Variants in LAIR1 observed in about 807,000 individuals in gnomAD.
The protein encoded by LAIR1 is leukocyte associated immunoglobulin like receptor 1, also known as leukocyte-associated immunoglobulin-like receptor 1.
LAIR1 carries 24 observed loss-of-function variants against 32.8 expected under a neutral mutation model. That is an observed-to-expected ratio of 0.73 (90% CI 0.53 to 1.03). The LOEUF (loss-of-function observed/expected upper bound fraction) is 1.03. Ranked by LOEUF, LAIR1 falls within the 50% of genes least tolerant of loss-of-function variation. LAIR1 has a pLI of 0.00. For missense variants in LAIR1, 355 were observed against 347.5 expected (o/e 1.02, Z -0.17); for synonymous variants, 150 against 140.5 (o/e 1.07, Z -0.48).
intron 3 of LAIR1, 119 bp downstream of exon 3, chr19:54,360,797 G>GC (rs1216130971): frequency 0.98 from 786,919 of 801,378 alleles, 387,317 homozygotes; most frequent in Non-Finnish European, 1. Flanking sequence ...GGAGGGCTTG[G>GC]GGTCAGGAGG....
At chr19:54,369,705 A>G (rs2082356778), upstream of LAIR1, among the ~76,000 whole-genome samples, 1 of 151,630 alleles carries the variant, frequency 6.6e-6, no homozygotes, top group South Asian at 2.1e-4. Flanking sequence ...ACTCAGATAC[A>G]TACACAATAT....
chr19:54,371,623 A>C (rs1044365342), upstream of LAIR1, among the ~76,000 whole-genome samples: 1 of 151,606 alleles, frequency 6.6e-6, no homozygotes, highest in Non-Finnish European at 1.5e-5. Flanking sequence ...AGTGCAAAGT[A>C]TAGTTTTCAA....
At position 54,355,148 on chromosome 19, in the gene LAIR1, G is replaced by T; in HGVS notation, c.*120C>A. The T allele has an allele frequency of 1.0e-6, 1 of 998,106 alleles. No individual in the cohort carries two copies. Among genetic ancestry groups the T allele is most frequent in the Non-Finnish European group, 1.5e-6 (1 of 673,560 alleles). The allele number at this position is 998,106 out of a possible 1,614,324, so 61.8% of individuals were successfully genotyped here. ...GTCTCCAGCTCTTGTCTCCAGGACA[G>T]CTGCCTGGCTGGCTTTCTAGATGAA... On this transcript the variant is annotated 3_prime_UTR_variant, in exon 10 of 10. Coordinates refer to ENST00000391742, the MANE Select transcript of LAIR1 (RefSeq NM_002287.6). This position sits in a 1 kb window ranked among gnomAD's most constrained non-coding sequence, Gnocchi z 4.7.
At chr19:54,359,638 G>A (rs1169181928) in intron 4 of LAIR1, among the ~76,000 whole-genome samples, 156 of 152,268 alleles carry the variant, frequency 1.0e-3, no homozygotes, top group Middle Eastern at 6.9e-3. Context: ...GGGCGAGCCC[G>A]GAAGTCTGGG....
Position 54,354,557 on chromosome 19 carries a change from GA to G in LAIR1, c.*710del, listed in dbSNP as rs1368378334. ...ATCCTGATCAATTAAATTTTAAAAA[GA>G]AAACGCTGACACGTTTTCGTAAGTC... On this transcript the variant is annotated 3_prime_UTR_variant, in exon 10 of 10. Coordinates refer to ENST00000391742, the MANE Select transcript of LAIR1 (RefSeq NM_002287.6). 5 of 152,198 alleles carry G rather than the reference GA, an allele frequency of 3.3e-5. No individual in the cohort carries two copies. Among genetic ancestry groups the G allele is most frequent in the African/African-American group, 1.2e-4 (5 of 41,432 alleles). 9.4% of individuals were successfully genotyped at this position (152,198 alleles called of 1,614,324 possible).
chr19:54,356,152 A>G, intron 8 of LAIR1, 78 bp downstream of exon 8: 2 of 697,420 alleles, frequency 2.9e-6, no homozygotes, highest in Non-Finnish European at 4.5e-6. Flanking sequence ...TCTTCCCCCC[A>G]CCCCCCACAT....
At chr19:54,358,506 T>C in intron 4 of LAIR1, 1 of 1,589,284 alleles carries the variant, frequency 6.3e-7, no homozygotes, top group South Asian at 1.1e-5. Context: ...TGTATGGGAA[T>C]CAGTGCATTT....
At chr19:54,359,529 C>T (rs1488970963) in intron 4 of LAIR1, among the ~76,000 whole-genome samples, 55 of 151,896 alleles carry the variant, frequency 3.6e-4, no homozygotes, top group Admixed American at 8.5e-4. Context: ...CGTCCCTCTC[C>T]GGGTGTCCCA....
chr19:54,357,427 G>A (rs1307467495), intron 4 of LAIR1: 1 of 155,916 alleles, frequency 6.4e-6, no homozygotes, highest in Non-Finnish European at 1.4e-5. Context: ...TCCCACCAGA[G>A]GGCAAGAATC....
chr19:54,355,292 C>T lies in LAIR1; in HGVS notation c.840G>A (p.Thr280=), dbSNP rs746249343. 10 of 1,610,406 alleles carry T rather than the reference C, an allele frequency of 6.2e-6. No homozygotes were observed. Among genetic ancestry groups the T allele is most frequent in the East Asian group, 4.5e-5 (2 of 44,554 alleles). Residue 280 remains threonine, a synonymous_variant, in exon 10 of 10, where the codon ACG becomes ACA. Transcript: ENST00000391742. The surrounding 1 kb of genome is among the most constrained non-coding windows in gnomAD (Gnocchi z 4.7). ...GTCAGTGTCTGGCAACGGCTGCATA[C>T]GTGATGGACTCGGCCATGGGCTTTG... The part of the protein sequence containing the change: ...QSTKPMAESI[T]YAAVARH
Position 54,361,052 on chromosome 19 carries a change from T to C in LAIR1, c.228A>G (p.Gln76=). 1 of 1,614,230 alleles carries C rather than the reference T, an allele frequency of 6.2e-7. No homozygotes were observed. The highest frequency in any genetic ancestry group is 1.1e-5 in the South Asian group (1 of 91,086). ...TGGCCTCTGACTCAGATGGACTAGC[T>C]TGAGACACATCTTCAGTATCATTGT... ...STYNDTEDVS[Q]ASPSESEARF... is the part of the protein sequence containing the mutation. The change falls in exon 3 of 10, where the codon CAA becomes CAG. Residue 76 remains glutamine (Q), a synonymous_variant. Coordinates refer to ENST00000391742, the MANE Select transcript of LAIR1 (RefSeq NM_002287.6).
At chr19:54,373,272 C>G (rs538530871), upstream of LAIR1, among the ~76,000 whole-genome samples, 14 of 151,252 alleles carry the variant, frequency 9.3e-5, no homozygotes, top group South Asian at 8.4e-4. Context: ...GAAACCCCAT[C>G]TCTACTAAAA....
chr19:54,360,598 TGTAGGGGGGTTGCCCC>T (rs2081964242), intron 3 of LAIR1: 3 of 480,604 alleles, frequency 6.2e-6, no homozygotes, highest in Non-Finnish European at 1.1e-5. Context: ...CTCATCCTCT[TGTAGGGGGGTTGCCCC>T]CTAATCTCTG....
At chr19:54,375,548 A>G (rs2082485363), upstream of LAIR1, among the ~76,000 whole-genome samples, 2 of 152,164 alleles carry the variant, frequency 1.3e-5, no homozygotes, top group Non-Finnish European at 1.5e-5. Flanking sequence ...CTCTGACCCA[A>G]ACACCAAATC....
At position 54,356,232 on chromosome 19, in the gene LAIR1, G is replaced by A; in HGVS notation, c.662C>T (p.Ala221Val). 6.2e-7 allele frequency: 1 copy of A among 1,609,096 alleles called. No individual in the cohort carries two copies. The highest frequency in any genetic ancestry group is 1.1e-5 in the South Asian group (1 of 90,962). ...TGTCCCTCCTCCTCCCCCTTTACCT[G>A]CTGTCCTCTCTAGAACATCAACAGC... ...DLAVDVLERT[A>V]DKATVNGLPE... Residue 221 changes from alanine to valine, a missense_variant and splice_region_variant, in exon 8 of 10, where the codon GCA becomes GTA. Ala to Val is a moderately conservative substitution (Grantham distance 64). Coordinates refer to ENST00000391742, the MANE Select transcript of LAIR1 (RefSeq NM_002287.6).
rs8108790 is a variant in LAIR1, at chr19:54,358,412, T to A, written c.416-1446A>T. On this transcript the variant is annotated intron_variant, in intron 4 of 9. Coordinates refer to ENST00000391742, the MANE Select transcript of LAIR1 (RefSeq NM_002287.6). Reference sequence around the variant, plus strand: ...ATATATATATAATATATATATATATTATGATGTAAACATATATAATATAAT... The same window carrying A: ...ATATATATATAATATATATATATATAATGATGTAAACATATATAATATAAT... 2.6e-3 allele frequency: 523 copies of A among 199,742 alleles called. 4 individuals carry two copies. The highest frequency in any genetic ancestry group is 9.2e-3 in the South Asian group (57 of 6,210). 12.4% of individuals were successfully genotyped at this position (199,742 alleles called of 1,614,324 possible). A position where few individuals can be genotyped will look rare whatever the true frequency, so the allele number is the denominator to read the frequency against.
chr19:54,374,607 C>T (rs1489574921), upstream of LAIR1, among the ~76,000 whole-genome samples: 1 of 152,148 alleles, frequency 6.6e-6, no homozygotes, highest in Non-Finnish European at 1.5e-5. Flanking sequence ...TGATGGACAG[C>T]TGCGACGTTT....
upstream of LAIR1, chr19:54,365,121 C>T (rs1360028536): frequency 7.7e-5 from 89 of 1,159,954 alleles, no homozygotes; most frequent in Admixed American, 1.8e-4. Context: ...GAATAAAGGT[C>T]GGGCAACCAA....
chr19:54,356,973 G>A lies in LAIR1; in HGVS notation c.416-7C>T, dbSNP rs1168789824. On this transcript the variant is annotated splice_region_variant and splice_polypyrimidine_tract_variant and intron_variant, in intron 4 of 9. Coordinates refer to ENST00000391742, the MANE Select transcript of LAIR1 (RefSeq NM_002287.6). ...GACGGCCTCTGCGTGGGTCCTGGGAGGGAGGAATCAGAAGGAGGAGGAGTT... is the reference window on the plus strand; with the variant it reads ...GACGGCCTCTGCGTGGGTCCTGGGAAGGAGGAATCAGAAGGAGGAGGAGTT... 1.2e-6 allele frequency: 2 copies of A among 1,613,678 alleles called. No individual in the cohort carries two copies. Among genetic ancestry groups the A allele is most frequent in the East Asian group, 2.2e-5 (1 of 44,858 alleles).
Sources: allele counts gnomAD v4.1 joint callset (sites outside exome capture counted in the v4.1 genomes callset), GRCh38; gene constraint gnomAD v4.1.1; non-coding constraint Gnocchi (gnomAD v3.1); transcripts MANE v1.5; gene names NCBI Gene and HGNC (gene_info 2026-07-23, HGNC 2026-07-21).